Variants in IPO11 observed in about 807,000 individuals in gnomAD.
IPO11 encodes the protein importin 11, also known as importin-11.
IPO11 carries 66 observed loss-of-function variants against 143.2 expected under a neutral mutation model. That is an observed-to-expected ratio of 0.46 (90% CI 0.38 to 0.57). The LOEUF (loss-of-function observed/expected upper bound fraction) is 0.57. Among genes scored for constraint, IPO11 ranks in the 20% least tolerant of loss-of-function variants. The pLI, the probability that IPO11 is intolerant of heterozygous loss-of-function variation, is 0.00. For missense variants in IPO11, 1,026 were observed against 1,141.0 expected (o/e 0.90, Z 1.45); for synonymous variants, 385 against 377.8 (o/e 1.02, Z -0.22).
intron 5 of IPO11, among the ~76,000 whole-genome samples, chr5:62,459,571 G>A (rs1221435579): frequency 6.7e-6 from 1 of 148,784 alleles, no homozygotes; most frequent in Non-Finnish European, 1.5e-5. Flanking sequence ...TTTTTTTTGA[G>A]ACGGAGTCTT....
intron 27 of IPO11, among the ~76,000 whole-genome samples, chr5:62,567,961 T>TTTGA (rs568699548): frequency 1.3e-3 from 201 of 151,754 alleles, no homozygotes; most frequent in African/African-American, 4.4e-3. Flanking sequence ...ATTTTTCTCT[T>TTTGA]TTGATTGATT....
intron 13 of IPO11, among the ~76,000 whole-genome samples, chr5:62,488,772 G>T (rs1337193741): frequency 6.6e-6 from 1 of 152,180 alleles, no homozygotes; most frequent in East Asian, 1.9e-4. Flanking sequence ...GGAGGCTGAG[G>T]TGGGCAGATC....
intron 7 of IPO11, 33 bp from the exon 8 acceptor site, chr5:62,474,383 A>G (rs746869318): frequency 1.6e-6 from 2 of 1,284,334 alleles, no homozygotes; most frequent in South Asian, 2.7e-5. Flanking sequence ...TATAACAATA[A>G]ATTGAGATAT....
At chr5:62,607,192 T>G (rs1288987278) in intron 29 of IPO11, among the ~76,000 whole-genome samples, 1 of 152,212 alleles carries the variant, frequency 6.6e-6, no homozygotes, top group Non-Finnish European at 1.5e-5. Context: ...CTGAAAACTT[T>G]CATTTTGTCT....
intron 20 of IPO11, among the ~76,000 whole-genome samples, chr5:62,523,401 G>A (rs1447631923): frequency 2.0e-5 from 3 of 152,124 alleles, no homozygotes; most frequent in Non-Finnish European, 4.4e-5. Context: ...AAGGCTAAGC[G>A]AACATCTCTT....
intron 7 of IPO11, among the ~76,000 whole-genome samples, chr5:62,472,333 G>T: frequency 6.6e-6 from 1 of 151,848 alleles, no homozygotes; most frequent in East Asian, 1.9e-4. Flanking sequence ...TTCCTATAAG[G>T]TGAAATAGTA....
intron 28 of IPO11, among the ~76,000 whole-genome samples, chr5:62,600,469 A>C (rs1417679487): frequency 6.6e-6 from 1 of 152,258 alleles, no homozygotes; most frequent in Non-Finnish European, 1.5e-5. Context: ...TTTCATGCAG[A>C]TCCATAGTCA....
intron 16 of IPO11, among the ~76,000 whole-genome samples, chr5:62,497,509 C>T (rs150190975): frequency 9.1e-4 from 138 of 152,074 alleles, no homozygotes; most frequent in Middle Eastern, 3.4e-3. Flanking sequence ...ACTTTGTTGC[C>T]CAGGCTAGAC....
At chr5:62,515,203 A>G (rs941192902) in intron 19 of IPO11, among the ~76,000 whole-genome samples, 185 bp from the exon 20 acceptor site, 1 of 152,202 alleles carries the variant, frequency 6.6e-6, no homozygotes, top group African/African-American at 2.4e-5. Context: ...AATATTTACT[A>G]TAGAGCCCTG....
At chr5:62,521,566 C>G (rs1027567654) in intron 20 of IPO11, among the ~76,000 whole-genome samples, 4 of 152,184 alleles carry the variant, frequency 2.6e-5, no homozygotes, top group African/African-American at 9.6e-5. Flanking sequence ...GTTCTGGACA[C>G]TTGGTGGACA....
At chr5:62,413,480 A>C (rs919640494) in intron 1 of IPO11, 1 of 152,154 alleles carries the variant, frequency 6.6e-6, no homozygotes, top group Non-Finnish European at 1.5e-5. Context: ...CGACTCCTGT[A>C]GATTTATATT....
intron 1 of IPO11, among the ~76,000 whole-genome samples, chr5:62,432,199 T>C (rs766170782): frequency 6.6e-6 from 1 of 152,156 alleles, no homozygotes; most frequent in African/African-American, 2.4e-5. Flanking sequence ...GGTACTTTAT[T>C]TATCCTGGTG....
At chr5:62,439,610 A>G in intron 2 of IPO11, among the ~76,000 whole-genome samples, 1 of 149,712 alleles carries the variant, frequency 6.7e-6, no homozygotes, top group Non-Finnish European at 1.5e-5. Context: ...TTTTTTAAGT[A>G]GAGACAGGGT....
chr5:62,580,795 A>G lies in IPO11; in HGVS notation c.2583-10782A>G. The G allele has an allele frequency of 1.9e-6, 3 of 1,551,432 alleles. 1 individual carries two copies. Among genetic ancestry groups the G allele is most frequent in the South Asian group, 2.4e-5 (2 of 84,060 alleles). ...GGAAAATACTGAGACTGAGAACATT[A>G]CTTTCTGGGAACGAATTCCTACTTC... On this transcript the variant is annotated intron_variant, in intron 27 of 29. Coordinates refer to ENST00000325324, the MANE Select transcript of IPO11 (RefSeq NM_016338.5).
intron 19 of IPO11, among the ~76,000 whole-genome samples, chr5:62,514,936 G>T (rs1230923563): frequency 1.3e-5 from 2 of 152,012 alleles, no homozygotes; most frequent in Non-Finnish European, 2.9e-5. Flanking sequence ...CATTGTAAGG[G>T]TTTGTCTGGC....
intron 15 of IPO11, among the ~76,000 whole-genome samples, chr5:62,491,879 C>T (rs1377232279): frequency 6.6e-6 from 1 of 151,884 alleles, no homozygotes; most frequent in South Asian, 2.1e-4. Flanking sequence ...ACTGTGTTAG[C>T]CAGGATGATC....
rs116776116 is a variant in IPO11, at chr5:62,602,904, T to C, written c.2763+1056T>C. 4.4e-3 allele frequency among the ~76,000 whole-genome samples: 666 copies of C among 152,348 alleles called. 7 individuals carry two copies. Among genetic ancestry groups the C allele is most frequent in the African/African-American group, 0.015 (642 of 41,582 alleles). ...TTTGTAGATCCGTTTGCCTCATCTG[T>C]GAAAAGCGGCAGAAATTGGATTAGC... On this transcript the variant is annotated intron_variant, in intron 29 of 29. Transcript: ENST00000325324.
intron 16 of IPO11, among the ~76,000 whole-genome samples, chr5:62,502,279 A>C (rs1741371587): frequency 6.6e-6 from 1 of 152,216 alleles, no homozygotes. Flanking sequence ...GACTCACAGT[A>C]GAAATGTGTT....
chr5:62,416,680 A>T (rs1375686272), intron 1 of IPO11, among the ~76,000 whole-genome samples: 1 of 151,820 alleles, frequency 6.6e-6, no homozygotes, highest in African/African-American at 2.4e-5. Context: ...GTACTAACTT[A>T]ACAAGGATTT....
Sources: allele counts gnomAD v4.1 joint callset (sites outside exome capture counted in the v4.1 genomes callset), GRCh38; gene constraint gnomAD v4.1.1; transcripts MANE v1.5; gene names NCBI Gene and HGNC (gene_info 2026-07-23, HGNC 2026-07-21).